Variants in MXD1 observed in about 807,000 individuals in gnomAD.
MXD1 encodes the protein MAX dimerization protein 1.
Under a neutral mutation model 25.7 loss-of-function variants are expected in MXD1, and 9 were observed. That is an observed-to-expected ratio of 0.35 (90% CI 0.21 to 0.61). The LOEUF is 0.61. Among genes scored for constraint, MXD1 ranks in the 20% least tolerant of loss-of-function variants. MXD1 has a pLI of 0.75. For synonymous variants in MXD1, 99 were observed against 113.9 expected, an observed-to-expected ratio of 0.87 and a Z score of 0.83; for missense variants, 227 against 292.4, an observed-to-expected ratio of 0.78 and a Z score of 1.63.
At chr2:69,934,189 C>T (rs1223416152) in intron 3 of MXD1, among the ~76,000 whole-genome samples, 1 of 152,156 alleles carries the variant, frequency 6.6e-6, no homozygotes, top group African/African-American at 2.4e-5. Context: ...TCAGGCAGTA[C>T]AGTGAACTTC....
chr2:69,936,817 A>G (rs1165937739), intron 4 of MXD1, among the ~76,000 whole-genome samples: 1 of 152,226 alleles, frequency 6.6e-6, no homozygotes. Flanking sequence ...ATGTACTTGA[A>G]TAAACATAGT....
chr2:69,929,041 G>T (rs1356489045), intron 3 of MXD1, among the ~76,000 whole-genome samples: 1 of 152,204 alleles, frequency 6.6e-6, no homozygotes, highest in East Asian at 1.9e-4. Context: ...TTACAGATGT[G>T]TGCCACCGCA....
chr2:69,927,167 G>A (rs888199476), intron 3 of MXD1, among the ~76,000 whole-genome samples: 7 of 152,322 alleles, frequency 4.6e-5, no homozygotes, highest in Middle Eastern at 3.4e-3. Context: ...TATTCTAATT[G>A]ATTACAGGTC....
chr2:69,937,708 G>A (rs3771529), intron 5 of MXD1, among the ~76,000 whole-genome samples: 29,591 of 152,090 alleles, frequency 0.19, 3,002 homozygotes, highest in African/African-American at 0.23. Flanking sequence ...TCCGCCTCCC[G>A]GGTTCAAGCG....
intron 3 of MXD1, among the ~76,000 whole-genome samples, chr2:69,925,589 T>C (rs1677154439): frequency 6.6e-6 from 1 of 152,160 alleles, no homozygotes; most frequent in African/African-American, 2.4e-5. Context: ...ATAGTAATAA[T>C]TTGTAGCATC....
chr2:69,926,255 T>A (rs1477282073), intron 3 of MXD1, among the ~76,000 whole-genome samples: 2 of 152,188 alleles, frequency 1.3e-5, no homozygotes, highest in African/African-American at 4.8e-5. Flanking sequence ...TTTTTGTTTA[T>A]GGCTAAGTCT....
rs1677644959 is a variant in MXD1, at chr2:69,942,937, T to C, written c.*4653T>C. The C allele has an allele frequency of 1.3e-5, 2 of 152,252 alleles. No homozygotes were observed. Among genetic ancestry groups the C allele is most frequent in the South Asian group, 4.1e-4 (2 of 4,836 alleles). The allele number at this position is 152,252 out of a possible 1,614,324, so 9.4% of individuals were successfully genotyped here. On this transcript the variant is annotated 3_prime_UTR_variant, in exon 6 of 6. Coordinates refer to ENST00000264444, the MANE Select transcript of MXD1 (RefSeq NM_002357.4). ...TAACAAATAATAAATTATTTCATTA[T>C]TAAAGAAATTTTGGTCTTTCTGATG... is the stretch of plus-strand genomic sequence containing the variant.
rs1328709038 is a variant in MXD1, at chr2:69,939,125, C to T, written c.*841C>T. 1.3e-5 allele frequency: 2 copies of T among 152,098 alleles called. No individual in the cohort carries two copies. The highest frequency in any genetic ancestry group is 1.9e-4 in the East Asian group (1 of 5,192). 9.4% of individuals were successfully genotyped at this position (152,098 alleles called of 1,614,324 possible). On this transcript the variant is annotated 3_prime_UTR_variant, in exon 6 of 6. Transcript: ENST00000264444. ...AATGAGATCTCCATTTCCCACTTAA[C>T]ACAGTGATTATCCTTTTTTCCCCCC...
chr2:69,924,373 A>G (rs1677131966), intron 3 of MXD1, among the ~76,000 whole-genome samples: 1 of 151,980 alleles, frequency 6.6e-6, no homozygotes, highest in Non-Finnish European at 1.5e-5. Flanking sequence ...TCTTTTTTGG[A>G]ATTTGGTCTT....
At chr2:69,923,054 A>AC (rs1491015646) in intron 3 of MXD1, among the ~76,000 whole-genome samples, 7 of 136,722 alleles carry the variant, frequency 5.1e-5, no homozygotes, top group Admixed American at 2.2e-4. Flanking sequence ...AAAAAAAAAA[A>AC]ACACACAAAA....
rs2104153982 is a variant in MXD1, at chr2:69,916,120, G to T, written c.74-1G>T. The T allele has an allele frequency of 6.2e-7, 1 of 1,600,754 alleles. No homozygotes were observed. Among genetic ancestry groups the T allele is most frequent in the Non-Finnish European group, 8.6e-7 (1 of 1,167,948 alleles). On this transcript the variant is annotated splice_acceptor_variant, in intron 1 of 5. Coordinates refer to ENST00000264444, the MANE Select transcript of MXD1 (RefSeq NM_002357.4). LOFTEE classifies it high-confidence loss of function. ...ATTAACTGGATCCTCCTGTTTTCTA[G>T]AAGCTGAACATGGTTATGCCTCCAT...
intron 3 of MXD1, among the ~76,000 whole-genome samples, chr2:69,928,811 A>G (rs1298946078): frequency 2.0e-5 from 3 of 152,086 alleles, no homozygotes; most frequent in Non-Finnish European, 2.9e-5. Context: ...GCACCACTAC[A>G]CTCCAGCCTG....
chr2:69,921,600 C>A (rs1172315627), intron 2 of MXD1, 136 bp from the exon 3 acceptor site: 1 of 603,264 alleles, frequency 1.7e-6, no homozygotes, highest in Non-Finnish European at 2.7e-6. Context: ...TTTAGTAGAG[C>A]CCAGTGAATT....
chr2:69,924,021 T>C (rs1677123437), intron 3 of MXD1, among the ~76,000 whole-genome samples: 1 of 152,258 alleles, frequency 6.6e-6, no homozygotes, highest in Non-Finnish European at 1.5e-5. Context: ...ATGTCAATTG[T>C]ATTATTTATT....
intron 2 of MXD1, among the ~76,000 whole-genome samples, chr2:69,918,149 C>T (rs1386975880): frequency 3.9e-5 from 6 of 152,184 alleles, no homozygotes; most frequent in Middle Eastern, 3.2e-3. Flanking sequence ...GCTTTATATC[C>T]TCAGCCATGT....
chr2:69,942,223 G>A lies in MXD1; in HGVS notation c.*3939G>A, dbSNP rs1677622877. ...CTACTCCTATTTAAAAACTCTTCCT[G>A]GTAGAAGACAACCCAAAGACCCTTT... On this transcript the variant is annotated 3_prime_UTR_variant, in exon 6 of 6. Coordinates refer to ENST00000264444, the MANE Select transcript of MXD1 (RefSeq NM_002357.4). 6.6e-6 allele frequency: 1 copy of A among 152,096 alleles called. No individual in the cohort carries two copies. The highest frequency in any genetic ancestry group is 1.5e-5 in the Non-Finnish European group (1 of 68,040). 9.4% of individuals were successfully genotyped at this position (152,096 alleles called of 1,614,324 possible). A position where few individuals can be genotyped will look rare whatever the true frequency, so the allele number is the denominator to read the frequency against.
intron 2 of MXD1, among the ~76,000 whole-genome samples, chr2:69,921,013 A>T (rs1677054079): frequency 6.6e-6 from 1 of 152,180 alleles, no homozygotes. Flanking sequence ...TCAGTAAATA[A>T]TTCGTAATTA....
chr2:69,927,189 TC>T (rs1476469784), intron 3 of MXD1, among the ~76,000 whole-genome samples: 3 of 152,254 alleles, frequency 2.0e-5, no homozygotes, highest in Non-Finnish European at 4.4e-5. Flanking sequence ...CTATAGTTGT[TC>T]CTTTTGGGTT....
Position 69,938,390 on chromosome 2 carries a change from C to A in MXD1, c.*106C>A. ...TCCCTTGCACGTAAACTTCAGTGTCCCACCTTGACCAAAATCAGCTTTGTA... is the reference window on the plus strand; with the variant it reads ...TCCCTTGCACGTAAACTTCAGTGTCACACCTTGACCAAAATCAGCTTTGTA... On this transcript the variant is annotated 3_prime_UTR_variant, in exon 6 of 6. Transcript: ENST00000264444. 1 of 1,168,970 alleles carries A rather than the reference C, an allele frequency of 8.6e-7. No homozygotes were observed. The highest frequency in any genetic ancestry group is 1.2e-6 in the Non-Finnish European group (1 of 820,532). The allele number at this position is 1,168,970 out of a possible 1,614,324, so 72.4% of individuals were successfully genotyped here. A position where few individuals can be genotyped will look rare whatever the true frequency, so the allele number is the denominator to read the frequency against.
Sources: allele counts gnomAD v4.1 joint callset (sites outside exome capture counted in the v4.1 genomes callset), GRCh38; gene constraint gnomAD v4.1.1; transcripts MANE v1.5; gene names NCBI Gene and HGNC (gene_info 2026-07-23, HGNC 2026-07-21).